PSMG2: variants seen among roughly 807,000 people sequenced by gnomAD.
PSMG2 encodes proteasome assembly chaperone 2.
A neutral mutation model predicts 31.5 loss-of-function variants in PSMG2; 21 were observed. That is an observed-to-expected ratio of 0.67 (90% confidence interval 0.47 to 0.96). PSMG2 has a LOEUF of 0.96. Ranked by LOEUF, PSMG2 falls within the 40% of genes least tolerant of loss-of-function variation. The probability of loss-of-function intolerance (pLI) is 0.00; values close to 1 mark genes in which losing one functional copy is unlikely to be tolerated. For missense variants in PSMG2, 318 were observed against 321.2 expected (o/e 0.99, Z 0.08); for synonymous variants, 120 against 110.4 (o/e 1.09, Z -0.54).
intron 1 of PSMG2, among the ~76,000 whole-genome samples, chr18:12,683,206 C>T (rs1336619961): frequency 1.3e-5 from 1 of 74,792 alleles, no homozygotes; most frequent in Admixed American, 1.1e-4. Context: ...AAAAAAAAAG[C>T]CAGGCATGGT....
At chr18:12,674,661 T>TA (rs1368377300) in intron 1 of PSMG2, 1 of 1,614,118 alleles carries the variant, frequency 6.2e-7, no homozygotes, top group Non-Finnish European at 8.5e-7. Flanking sequence ...TGCCTGCTGA[T>TA]ATACTTGTTG....
At chr18:12,681,646 A>G (rs2039353310) in intron 1 of PSMG2, among the ~76,000 whole-genome samples, 1 of 152,142 alleles carries the variant, frequency 6.6e-6, no homozygotes, top group African/African-American at 2.4e-5. Flanking sequence ...CACTCAACCA[A>G]TGACTGATAG....
upstream of PSMG2, chr18:12,702,595 C>T: frequency 6.3e-7 from 1 of 1,578,098 alleles, no homozygotes; most frequent in South Asian, 1.1e-5. Context: ...CTCAGATGCC[C>T]TAACTGCGCG....
upstream of PSMG2, chr18:12,702,559 G>A (rs1464678719): frequency 6.4e-7 from 1 of 1,569,396 alleles, no homozygotes; most frequent in East Asian, 2.4e-5. Context: ...GCTGGCAGCC[G>A]GCGTCTCCCC....
rs572817172 is a variant in PSMG2 at position 12,711,032 on chromosome 18, A to G, written c.230-1670A>G. On this transcript the variant is annotated intron_variant, in intron 2 of 6. Coordinates refer to ENST00000317615, the MANE Select transcript of PSMG2 (RefSeq NM_020232.5). ...GGAGAATCGCTTGAACCCAGGAGGT[A>G]GAGGTTGCAGTGACCCGAGATCACA... Among the ~76,000 whole-genome samples, 6 of 151,910 alleles carry G rather than the reference A, an allele frequency of 3.9e-5. No individual in the cohort carries two copies. The East Asian group carries it at 1.2e-3, about 29-fold the overall frequency.
intron 1 of PSMG2, chr18:12,684,536 G>A (rs12458895): frequency 0.24 from 35,740 of 149,964 alleles, 4,924 homozygotes; most frequent in Non-Finnish European, 0.32. Context: ...ACTGGAGTGC[G>A]ATGGCGTGAT....
At chr18:12,702,705 C>T, upstream of PSMG2, 2 of 800,872 alleles carry the variant, frequency 2.5e-6, no homozygotes, top group Non-Finnish European at 3.8e-6. Flanking sequence ...CGCGTCAGGC[C>T]GGGGGCTGAC....
intron 1 of PSMG2, among the ~76,000 whole-genome samples, chr18:12,688,856 T>C (rs908030624): frequency 2.6e-5 from 4 of 152,206 alleles, no homozygotes; most frequent in Admixed American, 6.5e-5. Context: ...GGCTCACGCC[T>C]ATGATCCCAG....
At chr18:12,714,468 C>G (rs1432328455) in intron 3 of PSMG2, among the ~76,000 whole-genome samples, 5 of 151,440 alleles carry the variant, frequency 3.3e-5, no homozygotes, top group African/African-American at 1.2e-4. Flanking sequence ...GAAAGGCCCT[C>G]CTAAACAATC....
chr18:12,685,810 T>G (rs2145043404), intron 1 of PSMG2: 1 of 152,886 alleles, frequency 6.5e-6, no homozygotes, highest in Non-Finnish European at 1.5e-5. Flanking sequence ...TTTTTGTATT[T>G]TAGTAGAGAT....
At position 12,686,247 on chromosome 18, in the gene PSMG2, A is replaced by G. The variant is rs79772614; in HGVS notation, c.-36-20303A>G. On this transcript the variant is annotated intron_variant, in intron 1 of 6. Transcript: ENST00000585331. ...TGATATACTGCTACTTAATTCTATT[A>G]TGTGTGTATAATACCTTGTTTCTAC... 7,753 of 1,590,750 alleles carry G rather than the reference A, an allele frequency of 4.9e-3. 363 individuals are homozygous for G. The African/African-American group carries it at 0.093, about 19-fold the overall frequency.
At chr18:12,685,802 T>G (rs2039520315) in intron 1 of PSMG2, 1 of 152,630 alleles carries the variant, frequency 6.6e-6, no homozygotes, top group South Asian at 2.1e-4. Flanking sequence ...CAGATAATTT[T>G]TTGTATTTTA....
chr18:12,692,492 C>G (rs1452305923), intron 1 of PSMG2, among the ~76,000 whole-genome samples: 1 of 152,100 alleles, frequency 6.6e-6, no homozygotes, highest in Non-Finnish European at 1.5e-5. Context: ...GGCTTTTGTT[C>G]TAGGCTGTTC....
intron 1 of PSMG2, chr18:12,686,787 T>G (rs772406575): frequency 5.8e-6 from 1 of 173,654 alleles, no homozygotes; most frequent in Non-Finnish European, 1.2e-5. Context: ...TGCTCTAAGC[T>G]GAAGTATTTT....
upstream of PSMG2, chr18:12,702,949 C>T: frequency 2.6e-6 from 2 of 783,870 alleles, no homozygotes; most frequent in Middle Eastern, 3.7e-4. Context: ...GCCCTCTGAA[C>T]CGGCAGTTAG....
intron 1 of PSMG2, among the ~76,000 whole-genome samples, chr18:12,664,873 AT>A (rs1342835244): frequency 2.4e-4 from 36 of 147,344 alleles, no homozygotes; most frequent in Admixed American, 2.4e-3. Context: ...TAACTTTTGT[AT>A]TTTTAGTAGA....
chr18:12,662,510 T>C (rs1313333695), intron 1 of PSMG2, among the ~76,000 whole-genome samples: 1 of 152,184 alleles, frequency 6.6e-6, no homozygotes, highest in African/African-American at 2.4e-5. Context: ...CCATGGGGGC[T>C]CACACCTGTA....
chr18:12,666,275 G>A (rs766875209), intron 1 of PSMG2, among the ~76,000 whole-genome samples: 2 of 151,998 alleles, frequency 1.3e-5, no homozygotes, highest in Admixed American at 6.6e-5. Context: ...TTAAAAGTGA[G>A]CTGTGATCAC....
chr18:12,692,674 GCTGA>G (rs2145077047), intron 1 of PSMG2, among the ~76,000 whole-genome samples: 1 of 152,230 alleles, frequency 6.6e-6, no homozygotes, highest in African/African-American at 2.4e-5. Flanking sequence ...TATTTTGTTT[GCTGA>G]CTTATTGTTT....
Sources: gnomAD v4.1 joint callset for allele counts (sites outside exome capture counted in the v4.1 genomes callset) on GRCh38, gnomAD v4.1.1 for gene constraint, MANE v1.5 for transcripts, NCBI Gene and HGNC (gene_info 2026-07-23, HGNC 2026-07-21) for gene names.